Variants in ARHGAP6 observed in about 807,000 individuals in gnomAD.
The protein encoded by ARHGAP6 is rho GTPase-activating protein 6.
Under a neutral mutation model 55.7 loss-of-function variants are expected in ARHGAP6, and 16 were observed. That is an observed-to-expected ratio of 0.29 (90% confidence interval 0.19 to 0.44). The LOEUF (loss-of-function observed/expected upper bound fraction) is 0.44, where lower values mean the gene tolerates loss of function less well. Ranked by LOEUF, ARHGAP6 falls within the 20% of genes least tolerant of loss-of-function variation. The probability of loss-of-function intolerance (pLI) is 1.00; values close to 1 mark genes in which losing one functional copy is unlikely to be tolerated. For synonymous variants in ARHGAP6, 382 were observed against 360.9 expected, an observed-to-expected ratio of 1.06 and a Z score of -0.66; for missense variants, 698 against 808.9, an observed-to-expected ratio of 0.86 and a Z score of 1.66.
At chrX:11,585,599 T>C (rs1158004475) in intron 1 of ARHGAP6, among the ~76,000 whole-genome samples, 1 of 112,803 alleles carries the variant, frequency 8.9e-6, no homozygotes, top group Non-Finnish European at 1.9e-5. Flanking sequence ...TTTCTGTTCA[T>C]GTCCTTTGCC....
chrX:11,284,328 GCCA>G (rs2047895649), intron 1 of ARHGAP6, among the ~76,000 whole-genome samples: 1 of 112,087 alleles, frequency 8.9e-6, no homozygotes, highest in South Asian at 3.7e-4. Context: ...TGCTGGTCCA[GCCA>G]CCACATTTTG....
intron 2 of ARHGAP6, among the ~76,000 whole-genome samples, chrX:11,253,988 G>A (rs1276570737): frequency 9.0e-6 from 1 of 110,938 alleles, no homozygotes; most frequent in Non-Finnish European, 1.9e-5. Flanking sequence ...AAGTACATGT[G>A]TCTCATCTTT....
intron 2 of ARHGAP6, among the ~76,000 whole-genome samples, chrX:11,233,625 T>G (rs1012780097): frequency 7.1e-5 from 8 of 112,220 alleles, no homozygotes; most frequent in African/African-American, 2.6e-4. Context: ...CTAGATAGTT[T>G]ACATTGCCAT....
At chrX:11,569,699 C>T (rs2051489681) in intron 1 of ARHGAP6, among the ~76,000 whole-genome samples, 1 of 111,542 alleles carries the variant, frequency 9.0e-6, no homozygotes, top group Admixed American at 9.6e-5. Flanking sequence ...GCCCTGCACC[C>T]TCTGTAGCAT....
In ARHGAP6 at chrX:11,665,610, G is replaced by A. The variant is rs2052749533; in HGVS notation, c.-782C>T. The A allele has an allele frequency of 8.8e-6, 1 of 113,541 alleles. No homozygotes were observed. Among genetic ancestry groups the A allele is most frequent in the African/African-American group, 3.2e-5 (1 of 31,312 alleles). 9.4% of individuals were successfully genotyped at this position (113,541 alleles called of 1,213,427 possible). A position where few individuals can be genotyped will look rare whatever the true frequency, so the allele number is the denominator to read the frequency against. ...GGGATGGAATTCCCGGCGGCGCTCA[G>A]CGCTCTCCGTGGAGGAGGGAGCTCA... On this transcript the variant is annotated 5_prime_UTR_variant, in exon 1 of 13. Coordinates refer to ENST00000337414, the MANE Select transcript of ARHGAP6 (RefSeq NM_013427.3).
In ARHGAP6 at chrX:11,300,456, G is replaced by A. The variant is rs746508249; in HGVS notation, c.589-45749C>T. 9.2e-5 allele frequency: 43 copies of A among 467,297 alleles called. No individual in the cohort carries two copies. The Middle Eastern group carries it at 1.5e-3, about 17-fold the overall frequency. The allele number at this position is 467,297 out of a possible 1,213,427, so 38.5% of individuals were successfully genotyped here. On this transcript the variant is annotated intron_variant, in intron 1 of 12. Transcript: ENST00000337414. Reference sequence around the variant, plus strand: ...TGGACACCTAATATCTAATGACAACGAAATAACAAAGAAACTTCAGAAATT... The same window carrying A: ...TGGACACCTAATATCTAATGACAACAAAATAACAAAGAAACTTCAGAAATT...
chrX:11,525,829 A>G (rs1468972618), intron 1 of ARHGAP6, among the ~76,000 whole-genome samples: 1 of 111,042 alleles, frequency 9.0e-6, no homozygotes, highest in East Asian at 2.8e-4. Context: ...TAATTAATTT[A>G]CGTCAGGCTC....
chrX:11,195,776 T>C (rs1602837583), intron 3 of ARHGAP6, among the ~76,000 whole-genome samples: 2 of 107,456 alleles, frequency 1.9e-5, no homozygotes, highest in East Asian at 2.9e-4. Flanking sequence ...AATTTACCTA[T>C]ATAAGAAACA....
chrX:11,594,662 T>G (rs768509184), intron 1 of ARHGAP6, among the ~76,000 whole-genome samples: 1 of 111,357 alleles, frequency 9.0e-6, no homozygotes, highest in Non-Finnish European at 1.9e-5. Context: ...CTTATGAGAA[T>G]CTAATGCCTG....
intron 1 of ARHGAP6, among the ~76,000 whole-genome samples, chrX:11,467,988 G>GAATAAATAAATA (rs1226738659): frequency 2.4e-5 from 2 of 82,815 alleles, no homozygotes; most frequent in Non-Finnish European, 4.5e-5. Context: ...TTAAATGAAT[G>GAATAAATAAATA]AATGAATAAA....
chrX:11,425,150 A>G (rs1266729055), intron 1 of ARHGAP6, among the ~76,000 whole-genome samples: 1 of 111,883 alleles, frequency 8.9e-6, no homozygotes, highest in Non-Finnish European at 1.9e-5. Context: ...AGAGCATTAC[A>G]TACTTATCCC....
At chrX:11,384,496 G>A (rs1447300817) in intron 1 of ARHGAP6, among the ~76,000 whole-genome samples, 1 of 112,283 alleles carries the variant, frequency 8.9e-6, no homozygotes, top group East Asian at 2.8e-4. Context: ...CAAGAAAGAT[G>A]TGCATGACTT....
At chrX:11,650,784 G>C (rs1184677682) in intron 1 of ARHGAP6, among the ~76,000 whole-genome samples, 1 of 112,296 alleles carries the variant, frequency 8.9e-6, no homozygotes, top group Non-Finnish European at 1.9e-5. Context: ...CATTGCAGCA[G>C]AACAACAATA....
At chrX:11,142,136 G>A in intron 12 of ARHGAP6, 97 bp downstream of exon 12, 2 of 553,644 alleles carry the variant, frequency 3.6e-6, no homozygotes, top group South Asian at 7.5e-5. Context: ...CATTTCCCAA[G>A]TAATGTTTGA....
Position 11,506,323 on chromosome X carries a change from G to A in ARHGAP6, c.588+157918C>T, listed in dbSNP as rs1260395274. Among the ~76,000 whole-genome samples the A allele has an allele frequency of 2.7e-5, 3 of 110,867 alleles. No individual in the cohort carries two copies. The East Asian group carries it at 8.5e-4, about 31-fold the overall frequency. On this transcript the variant is annotated intron_variant, in intron 1 of 12. Transcript: ENST00000337414. ...TGTTACATAGGTATACACGTACCAT[G>A]GTGGTTTGCCGCACCCATCAACCTA...
At chrX:11,251,986 C>T (rs904989571) in intron 2 of ARHGAP6, among the ~76,000 whole-genome samples, 5 of 112,361 alleles carry the variant, frequency 4.4e-5, no homozygotes, top group African/African-American at 1.6e-4. Context: ...CCTATTTTGA[C>T]AGAAAATATG....
chrX:11,412,877 C>T (rs759546530), intron 1 of ARHGAP6, among the ~76,000 whole-genome samples: 9 of 112,396 alleles, frequency 8.0e-5, no homozygotes, highest in Non-Finnish European at 1.7e-4. Context: ...AACTCTCCAG[C>T]AGACCACATC....
chrX:11,298,085 T>A, intron 1 of ARHGAP6: 1 of 1,210,447 alleles, frequency 8.3e-7, no homozygotes, highest in Non-Finnish European at 1.1e-6. Flanking sequence ...AATTTTTACC[T>A]TCTTCTTTCT....
At chrX:11,416,134 C>G (rs145028774) in intron 1 of ARHGAP6, among the ~76,000 whole-genome samples, 106 of 111,448 alleles carry the variant, frequency 9.5e-4, no homozygotes, top group African/African-American at 3.4e-3. Context: ...TGCCCTCCCC[C>G]ACCTGCGGCA....
Sources: gnomAD v4.1 joint callset for allele counts (sites outside exome capture counted in the v4.1 genomes callset) on GRCh38, gnomAD v4.1.1 for gene constraint, MANE v1.5 for transcripts, NCBI Gene and HGNC (gene_info 2026-07-23, HGNC 2026-07-21) for gene names.